The following ZSWIM6 variants were observed in gnomAD, a reference collection of about 807,000 sequenced individuals.
ZSWIM6 encodes the protein zinc finger SWIM-type containing 6, also known as zinc finger SWIM domain-containing protein 6.
In ZSWIM6, 9 loss-of-function variants were observed where a neutral mutation model predicts 113.2. The ratio of observed to expected loss-of-function variants is 0.08; its 90% confidence interval spans 0.05 to 0.14. The LOEUF (loss-of-function observed/expected upper bound fraction) is 0.14, where lower values mean the gene tolerates loss of function less well. ZSWIM6 is among the 10% of genes least tolerant of loss of function. The probability of loss-of-function intolerance (pLI) is 1.00; values close to 1 mark genes in which losing one functional copy is unlikely to be tolerated. For missense variants in ZSWIM6, 1,162 were observed against 1,552.2 expected (o/e 0.75, Z 4.22); for synonymous variants, 611 against 606.5 (o/e 1.01, Z -0.11).
At chr5:61,533,238 CG>C (rs1749489350) in intron 9 of ZSWIM6, among the ~76,000 whole-genome samples, 1 of 152,160 alleles carries the variant, frequency 6.6e-6, no homozygotes, top group Non-Finnish European at 1.5e-5. Context: ...CAGTCCAAGG[CG>C]GGGAGGCCAC....
chr5:61,435,623 C>T (rs1445979719), intron 1 of ZSWIM6, among the ~76,000 whole-genome samples: 1 of 152,192 alleles, frequency 6.6e-6, no homozygotes, highest in Non-Finnish European at 1.5e-5. Flanking sequence ...TACTCATAAA[C>T]AGATGTGGTT....
intron 1 of ZSWIM6, among the ~76,000 whole-genome samples, chr5:61,459,499 A>G (rs1019010390): frequency 2.0e-5 from 3 of 152,234 alleles, no homozygotes; most frequent in African/African-American, 7.2e-5. Context: ...ACTTTAATCA[A>G]GGATATTATC....
chr5:61,366,396 G>C (rs1365072167), intron 1 of ZSWIM6, among the ~76,000 whole-genome samples: 1 of 151,926 alleles, frequency 6.6e-6, no homozygotes, highest in Non-Finnish European at 1.5e-5. Flanking sequence ...TCTGAAATGT[G>C]TGGTATCCTC....
Position 61,526,298 on chromosome 5 carries a change from G to A in ZSWIM6, c.1739G>A (p.Gly580Glu). ...AGAGTGGACGCATTACGTTCTCATGGGTACCCCAGAGAAGCACTGAGACTA... is the reference window on the plus strand; with the variant it reads ...AGAGTGGACGCATTACGTTCTCATGAGTACCCCAGAGAAGCACTGAGACTA... ...CARVDALRSH[G>E]YPREALRLAI... The change falls in exon 7 of 14, where the codon GGG (glycine) becomes GAG (glutamate). Residue 580 changes from glycine (G) to glutamate (E), a missense_variant. Gly to Glu is a moderately conservative substitution (Grantham distance 98, BLOSUM62 -2). This residue lies in a region of ZSWIM6 where 620 missense variants were observed against 804.6 expected (regional missense o/e 0.77). Coordinates refer to ENST00000252744, the MANE Select transcript of ZSWIM6 (RefSeq NM_020928.2). 6.4e-7 allele frequency: 1 copy of A among 1,551,852 alleles called. No individual in the cohort carries two copies. Among genetic ancestry groups the A allele is most frequent in the Non-Finnish European group, 8.7e-7 (1 of 1,147,012 alleles).
At chr5:61,356,694 C>G (rs1016057389) in intron 1 of ZSWIM6, among the ~76,000 whole-genome samples, 5 of 131,778 alleles carry the variant, frequency 3.8e-5, no homozygotes, top group Non-Finnish European at 7.8e-5. Context: ...ATATAATATA[C>G]ATATTTTATA....
At chr5:61,452,388 T>G (rs746030251) in intron 1 of ZSWIM6, among the ~76,000 whole-genome samples, 1 of 152,200 alleles carries the variant, frequency 6.6e-6, no homozygotes, top group Non-Finnish European at 1.5e-5. Context: ...TTATTTTGCA[T>G]GTCTCTTGGT....
intron 1 of ZSWIM6, among the ~76,000 whole-genome samples, chr5:61,412,029 C>A (rs998584536): frequency 6.6e-6 from 1 of 152,160 alleles, no homozygotes; most frequent in Non-Finnish European, 1.5e-5. Flanking sequence ...TTAATTTCAG[C>A]CCACAAGAAA....
At chr5:61,435,981 C>T (rs1222448523) in intron 1 of ZSWIM6, among the ~76,000 whole-genome samples, 3 of 152,160 alleles carry the variant, frequency 2.0e-5, no homozygotes, top group South Asian at 2.1e-4. Flanking sequence ...GCGAGCGGAT[C>T]ACCTGAAGTC....
intron 1 of ZSWIM6, among the ~76,000 whole-genome samples, chr5:61,441,747 G>T (rs1338093497): frequency 6.6e-6 from 1 of 152,122 alleles, no homozygotes; most frequent in African/African-American, 2.4e-5. Flanking sequence ...TCACAGGTTA[G>T]CCTTCTCACA....
At chr5:61,339,063 GAT>G (rs1352222673) in intron 1 of ZSWIM6, among the ~76,000 whole-genome samples, 1 of 152,120 alleles carries the variant, frequency 6.6e-6, no homozygotes, top group Non-Finnish European at 1.5e-5. Context: ...CATATGGAAA[GAT>G]ATGGACCAGC....
At chr5:61,423,468 G>A (rs1237285545) in intron 1 of ZSWIM6, among the ~76,000 whole-genome samples, 1 of 151,906 alleles carries the variant, frequency 6.6e-6, no homozygotes, top group Admixed American at 6.6e-5. Context: ...GTGAAAATGG[G>A]CATCCTTGTT....
At chr5:61,414,621 A>T (rs1302719884) in intron 1 of ZSWIM6, among the ~76,000 whole-genome samples, 2 of 152,110 alleles carry the variant, frequency 1.3e-5, no homozygotes, top group African/African-American at 2.4e-5. Flanking sequence ...ATGGGAGGAG[A>T]TGTCCGTCTC....
intron 2 of ZSWIM6, among the ~76,000 whole-genome samples, chr5:61,474,832 T>C (rs745432496): frequency 6.6e-6 from 1 of 152,204 alleles, no homozygotes; most frequent in Non-Finnish European, 1.5e-5. Flanking sequence ...GTGGTTTCTG[T>C]GTCAGAGGAA....
At position 61,531,732 on chromosome 5, in the gene ZSWIM6, T is replaced by A; in HGVS notation, c.2245+7T>A. ...GCAGTCTTCCTATTAGAAGGTAGCC[T>A]GATACAGAAGTTTTCCACTTATTTA... On this transcript the variant is annotated splice_region_variant and intron_variant, in intron 9 of 13. Transcript: ENST00000252744. 2.6e-6 allele frequency: 4 copies of A among 1,550,888 alleles called. No individual in the cohort carries two copies. Among genetic ancestry groups the A allele is most frequent in the Non-Finnish European group, 3.5e-6 (4 of 1,146,418 alleles).
intron 1 of ZSWIM6, among the ~76,000 whole-genome samples, chr5:61,403,875 G>A (rs1745990292): frequency 6.6e-6 from 1 of 152,124 alleles, no homozygotes; most frequent in Non-Finnish European, 1.5e-5. Flanking sequence ...TAAATTATGT[G>A]GGAATTCACT....
intron 8 of ZSWIM6, 86 bp downstream of exon 8, chr5:61,530,284 T>A: frequency 7.4e-7 from 1 of 1,359,660 alleles, no homozygotes; most frequent in Non-Finnish European, 9.8e-7. Context: ...ACATTATGTT[T>A]TATGGAACCA....
chr5:61,517,275 T>A (rs1397220634), intron 4 of ZSWIM6, among the ~76,000 whole-genome samples: 4 of 152,112 alleles, frequency 2.6e-5, no homozygotes, highest in African/African-American at 7.2e-5. Context: ...TTAAACCTTT[T>A]GATATTTTCT....
intron 4 of ZSWIM6, among the ~76,000 whole-genome samples, chr5:61,516,850 G>A (rs796369900): frequency 6.6e-6 from 1 of 151,816 alleles, no homozygotes; most frequent in South Asian, 2.1e-4. Flanking sequence ...TCTTGGCAAC[G>A]AATACTGTAA....
At chr5:61,409,074 T>G (rs1226430340) in intron 1 of ZSWIM6, among the ~76,000 whole-genome samples, 1 of 113,736 alleles carries the variant, frequency 8.8e-6, no homozygotes, top group East Asian at 1.9e-4. Context: ...GGGAAAGGTT[T>G]TTTTTTTTTT....
Sources: allele counts gnomAD v4.1 joint callset (sites outside exome capture counted in the v4.1 genomes callset), GRCh38; gene constraint gnomAD v4.1.1; regional missense constraint gnomAD v4.1.1; transcripts MANE v1.5; gene names NCBI Gene and HGNC (gene_info 2026-07-23, HGNC 2026-07-21).